ZEB1: variants seen among roughly 807,000 people sequenced by gnomAD.
The protein encoded by ZEB1 is zinc finger E-box binding homeobox 1.
A neutral mutation model predicts 84.9 loss-of-function variants in ZEB1; 21 were observed. The ratio of observed to expected loss-of-function variants is 0.25; its 90% CI spans 0.18 to 0.36. The LOEUF (loss-of-function observed/expected upper bound fraction) is 0.36. Among genes scored for constraint, ZEB1 ranks in the 10% least tolerant of loss-of-function variants. The pLI is 1.00. For missense variants in ZEB1, 1,104 were observed against 1,330.2 expected (o/e 0.83, Z 2.65); for synonymous variants, 420 against 471.1 (o/e 0.89, Z 1.41).
chr10:31,364,552 C>T (rs547953345), intron 1 of ZEB1, among the ~76,000 whole-genome samples: 10 of 152,310 alleles, frequency 6.6e-5, no homozygotes, highest in Admixed American at 2.0e-4. Context: ...GAGCCAGGCC[C>T]GCCTTCTCCA....
intron 1 of ZEB1, among the ~76,000 whole-genome samples, chr10:31,408,564 T>A (rs376418986): frequency 5.2e-4 from 76 of 147,514 alleles, no homozygotes; most frequent in African/African-American, 1.5e-3. Context: ...TCAATGGAAC[T>A]GAACAGAGCC....
rs1834739072 is a variant in ZEB1 at position 31,529,487 on chromosome 10, C to T, written c.*2223C>T. On this transcript the variant is annotated 3_prime_UTR_variant, in exon 9 of 9. Coordinates refer to ENST00000424869, the MANE Select transcript of ZEB1 (RefSeq NM_001174096.2). Reference sequence around the variant, plus strand: ...AGCCTGGGTTTAGATGCCTTTCTGACTCTCAGCTCCTGCACTTCTGTCATC... The same window carrying T: ...AGCCTGGGTTTAGATGCCTTTCTGATTCTCAGCTCCTGCACTTCTGTCATC... The T allele has an allele frequency of 6.6e-6, 1 of 152,172 alleles. No individual in the cohort carries two copies. Among genetic ancestry groups the T allele is most frequent in the South Asian group, 2.1e-4 (1 of 4,830 alleles). The allele number at this position is 152,172 out of a possible 1,614,324, so 9.4% of individuals were successfully genotyped here.
chr10:31,488,805 A>G (rs146052387), intron 2 of ZEB1, among the ~76,000 whole-genome samples: 3 of 151,128 alleles, frequency 2.0e-5, no homozygotes, highest in East Asian at 3.9e-4. Context: ...TCTTTTTCCT[A>G]TTGACATCTG....
rs2046598841 is a variant in ZEB1, at chr10:31,376,223, C to A, written c.58+56931C>A. Among the ~76,000 whole-genome samples the A allele has an allele frequency of 2.6e-5, 4 of 151,706 alleles. No individual in the cohort carries two copies. The South Asian group carries it at 8.3e-4, about 31-fold the overall frequency. On this transcript the variant is annotated intron_variant, in intron 1 of 8. Transcript: ENST00000424869. Reference sequence around the variant, plus strand: ...AATGTAGACATTAAGCAAGTAATTACAATAAAGTATAGTGGCTTATGATAT... The same window carrying A: ...AATGTAGACATTAAGCAAGTAATTAAAATAAAGTATAGTGGCTTATGATAT...
rs1420747146 is a variant in ZEB1, at chr10:31,529,775, A to G, written c.*2511A>G. The G allele has an allele frequency of 1.3e-5, 2 of 152,232 alleles. No individual in the cohort carries two copies. The highest frequency in any genetic ancestry group is 1.5e-5 in the Non-Finnish European group (1 of 68,034). 9.4% of individuals were successfully genotyped at this position (152,232 alleles called of 1,614,324 possible). Reference sequence around the variant, plus strand: ...TAAGTCTTATTAAACACTAGTCATAATAGACACAATAAATTATGCCTTCTT... The same window carrying G: ...TAAGTCTTATTAAACACTAGTCATAGTAGACACAATAAATTATGCCTTCTT... On this transcript the variant is annotated 3_prime_UTR_variant, in exon 9 of 9. Coordinates refer to ENST00000424869, the MANE Select transcript of ZEB1 (RefSeq NM_001174096.2).
At chr10:31,441,997 T>C (rs2059057255) in intron 1 of ZEB1, among the ~76,000 whole-genome samples, 2 of 152,220 alleles carry the variant, frequency 1.3e-5, no homozygotes. Flanking sequence ...GAAGACAGTG[T>C]GGCGATTCCT....
At position 31,360,805 on chromosome 10, in the gene ZEB1, T is replaced by C. The variant is rs970212211; in HGVS notation, c.58+41513T>C. 4.5e-6 allele frequency: 3 copies of C among 661,754 alleles called. No individual in the cohort carries two copies. The South Asian group carries it at 5.2e-5, about 11-fold the overall frequency. The allele number at this position is 661,754 out of a possible 1,614,324, so 41.0% of individuals were successfully genotyped here. A position where few individuals can be genotyped will look rare whatever the true frequency, so the allele number is the denominator to read the frequency against. ...CAAAGGTAAATACCTAGAAATCATA[T>C]ATACACTTAAAGTAAAATCTCACAG... On this transcript the variant is annotated intron_variant, in intron 1 of 8. Coordinates refer to ENST00000424869, the MANE Select transcript of ZEB1 (RefSeq NM_001174096.2).
chr10:31,368,799 A>C (rs2045104429), intron 1 of ZEB1, among the ~76,000 whole-genome samples: 1 of 152,274 alleles, frequency 6.6e-6, no homozygotes, highest in African/African-American at 2.4e-5. Flanking sequence ...TAGGGAGTGA[A>C]AGTGGTGGCT....
Position 31,529,431 on chromosome 10 carries a change from C to A in ZEB1, c.*2167C>A, listed in dbSNP as rs1360319968. ...CCTTCTTCCTGAAATCCTTAATCCT[C>A]CGCATTTCATGCTTCAGGTCATTTC... On this transcript the variant is annotated 3_prime_UTR_variant, in exon 9 of 9. Coordinates refer to ENST00000424869, the MANE Select transcript of ZEB1 (RefSeq NM_001174096.2). 6.6e-6 allele frequency: 1 copy of A among 152,242 alleles called. No individual in the cohort carries two copies. Among genetic ancestry groups the A allele is most frequent in the African/African-American group, 2.4e-5 (1 of 41,464 alleles). The allele number at this position is 152,242 out of a possible 1,614,324, so 9.4% of individuals were successfully genotyped here.
chr10:31,513,515 A>G (rs2070487218), intron 5 of ZEB1, among the ~76,000 whole-genome samples: 1 of 152,174 alleles, frequency 6.6e-6, no homozygotes, highest in Non-Finnish European at 1.5e-5. Context: ...GGGAGTCGCC[A>G]CCATATATTT....
In ZEB1 at chr10:31,461,355, A is replaced by G. The variant is rs77516068; in HGVS notation, c.259+118A>G. 2,911 of 1,106,072 alleles carry G rather than the reference A, an allele frequency of 2.6e-3. 15 individuals are homozygous for G. The highest frequency in any genetic ancestry group is 6.0e-3 in the Middle Eastern group (23 of 3,818). 68.5% of individuals were successfully genotyped at this position (1,106,072 alleles called of 1,614,324 possible). A position where few individuals can be genotyped will look rare whatever the true frequency, so the allele number is the denominator to read the frequency against. On this transcript the variant is annotated intron_variant, in intron 2 of 8. Coordinates refer to ENST00000424869, the MANE Select transcript of ZEB1 (RefSeq NM_001174096.2). ...AAATCAATAGTAAATTTGGCTATCA[A>G]TAAATATTAGGTGTCCTACTTACTA...
intron 1 of ZEB1, among the ~76,000 whole-genome samples, chr10:31,393,796 A>G (rs2050215546): frequency 1.3e-5 from 2 of 152,198 alleles, no homozygotes; most frequent in South Asian, 4.1e-4. Flanking sequence ...TGAAAGATAC[A>G]TGCATGGCTT....
At chr10:31,486,340 T>A (rs1279293334) in intron 2 of ZEB1, among the ~76,000 whole-genome samples, 1 of 151,754 alleles carries the variant, frequency 6.6e-6, no homozygotes, top group Non-Finnish European at 1.5e-5. Context: ...ATCCCACCAG[T>A]AATAAATAAG....
intron 1 of ZEB1, among the ~76,000 whole-genome samples, chr10:31,458,030 C>T (rs2061434014): frequency 6.6e-6 from 1 of 152,134 alleles, no homozygotes; most frequent in Admixed American, 6.5e-5. Context: ...CAGAAGCCTC[C>T]CTTCGCAAAA....
At chr10:31,461,902 A>C (rs187388681) in intron 2 of ZEB1, among the ~76,000 whole-genome samples, 8 of 152,126 alleles carry the variant, frequency 5.3e-5, no homozygotes, top group Non-Finnish European at 1.0e-4. Flanking sequence ...AACTAATTAA[A>C]TTATTTAGCC....
intron 2 of ZEB1, among the ~76,000 whole-genome samples, chr10:31,478,944 A>G (rs147318596): frequency 1.5e-3 from 234 of 152,002 alleles, no homozygotes; most frequent in African/African-American, 4.7e-3. Context: ...TGTTTGGATT[A>G]TGGGTACATT....
chr10:31,423,093 C>T (rs1487714649), intron 1 of ZEB1, among the ~76,000 whole-genome samples: 1 of 151,688 alleles, frequency 6.6e-6, no homozygotes, highest in Non-Finnish European at 1.5e-5. Flanking sequence ...TGTACTTTTT[C>T]ATGTGAGAAT....
chr10:31,465,438 A>G (rs1375498785), intron 2 of ZEB1, among the ~76,000 whole-genome samples: 1 of 151,468 alleles, frequency 6.6e-6, no homozygotes, highest in Non-Finnish European at 1.5e-5. Flanking sequence ...TACACAAAAG[A>G]TAAACCATGC....
At chr10:31,320,306 C>T (rs556441838) in intron 1 of ZEB1, 2 of 152,170 alleles carry the variant, frequency 1.3e-5, no homozygotes, top group Non-Finnish European at 2.9e-5. Flanking sequence ...CCGGGAAGCA[C>T]CACAGACAGA....
Sources: allele counts gnomAD v4.1 joint callset (sites outside exome capture counted in the v4.1 genomes callset), GRCh38; gene constraint gnomAD v4.1.1; transcripts MANE v1.5; gene names NCBI Gene and HGNC (gene_info 2026-07-23, HGNC 2026-07-21).